The following PAX2 variants were observed in gnomAD, a reference collection of about 807,000 sequenced individuals.
PAX2 encodes the protein paired box protein Pax-2.
In PAX2, 9 loss-of-function variants were observed where a neutral mutation model predicts 41.7. The ratio of observed to expected loss-of-function variants is 0.22; its 90% CI spans 0.13 to 0.38. The LOEUF is 0.38. Among genes scored for constraint, PAX2 ranks in the 10% least tolerant of loss-of-function variants. The pLI, the probability that PAX2 is intolerant of heterozygous loss-of-function variation, is 1.00. For synonymous variants in PAX2, 221 were observed against 212.7 expected, an observed-to-expected ratio of 1.04 and a Z score of -0.34; for missense variants, 418 against 531.6, an observed-to-expected ratio of 0.79 and a Z score of 2.10.
At chr10:100,807,412 G>A (rs1429271068) in intron 6 of PAX2, among the ~76,000 whole-genome samples, 1 of 150,004 alleles carries the variant, frequency 6.7e-6, no homozygotes, top group African/African-American at 2.5e-5. Context: ...ACAGCCCACG[G>A]TACTGTGCTC....
intron 5 of PAX2, among the ~76,000 whole-genome samples, chr10:100,795,716 C>T (rs1013091361): frequency 3.3e-5 from 5 of 152,188 alleles, no homozygotes; most frequent in Admixed American, 6.5e-5. Flanking sequence ...ACTGCCTCAC[C>T]CTTTCTTTGT....
At chr10:100,823,587 C>A (rs2133982434) in intron 7 of PAX2, among the ~76,000 whole-genome samples, 1 of 152,260 alleles carries the variant, frequency 6.6e-6, no homozygotes, top group Non-Finnish European at 1.5e-5. Context: ...CAAGGATAGA[C>A]AGAGGCATTA....
chr10:100,774,715 G>C (rs1846323987), intron 3 of PAX2, among the ~76,000 whole-genome samples: 1 of 152,146 alleles, frequency 6.6e-6, no homozygotes, highest in Non-Finnish European at 1.5e-5. Flanking sequence ...TCCCTATTTA[G>C]TCCTTGCCAC....
chr10:100,827,513 A>G lies in PAX2; in HGVS notation c.1109-30A>G. The G allele has an allele frequency of 6.2e-7, 1 of 1,609,148 alleles. No individual in the cohort carries two copies. The highest frequency in any genetic ancestry group is 8.5e-7 in the Non-Finnish European group (1 of 1,175,558). On this transcript the variant is annotated intron_variant, in intron 9 of 9. Transcript: ENST00000355243. This position sits in a 1 kb window ranked among gnomAD's most constrained non-coding sequence, Gnocchi z 8.5. ...TGTTCTCCTGTTTGTCCTCTCACCCAGCCCATTCTTCTCCTGTGTTAACTT... is the reference window on the plus strand; with the variant it reads ...TGTTCTCCTGTTTGTCCTCTCACCCGGCCCATTCTTCTCCTGTGTTAACTT...
In PAX2 at chr10:100,809,107, C is replaced by T. The variant is rs1291270344; in HGVS notation, c.793-3C>T. ...GAGCTGTCACTTTTCTCTCTCCTCC[C>T]AGGGGAACGAGTACTCCCTCCCAGC... On this transcript the variant is annotated splice_region_variant and splice_polypyrimidine_tract_variant and intron_variant, in intron 6 of 9. Transcript: ENST00000355243. 2 of 1,613,020 alleles carry T rather than the reference C, an allele frequency of 1.2e-6. No homozygotes were observed. Among genetic ancestry groups the T allele is most frequent in the East Asian group, 2.2e-5 (1 of 44,884 alleles).
Position 100,748,986 on chromosome 10 carries a change from G to A in PAX2, c.44-760G>A. 7.1e-6 allele frequency: 7 copies of A among 985,458 alleles called. No individual in the cohort carries two copies. The highest frequency in any genetic ancestry group is 8.4e-6 in the Non-Finnish European group (7 of 829,938). The allele number at this position is 985,458 out of a possible 1,614,324, so 61.0% of individuals were successfully genotyped here. On this transcript the variant is annotated intron_variant, in intron 1 of 9. Coordinates refer to ENST00000355243, the MANE Select transcript of PAX2 (RefSeq NM_000278.5). This position sits in a 1 kb window ranked among gnomAD's most constrained non-coding sequence, Gnocchi z 5.0. ...CGGCATTCTCTGCCTGCTGCCTGGA[G>A]CCGCTCTGCCTCCCTGTCTCTGAGC...
At chr10:100,774,654 T>C (rs773482284) in intron 3 of PAX2, among the ~76,000 whole-genome samples, 4 of 152,300 alleles carry the variant, frequency 2.6e-5, no homozygotes, top group Admixed American at 6.5e-5. Flanking sequence ...ATTGTTATTA[T>C]AGGTAGCATT....
At chr10:100,768,751 C>T (rs1846108328) in intron 3 of PAX2, among the ~76,000 whole-genome samples, 1 of 152,114 alleles carries the variant, frequency 6.6e-6, no homozygotes, top group Non-Finnish European at 1.5e-5. Flanking sequence ...CGGGCTCTTA[C>T]CCGATGCATA....
At chr10:100,759,175 G>A (rs1845749208) in intron 3 of PAX2, among the ~76,000 whole-genome samples, 1 of 152,186 alleles carries the variant, frequency 6.6e-6, no homozygotes, top group Non-Finnish European at 1.5e-5. Context: ...TGGGGGTGGT[G>A]GGAGGAAACC....
chr10:100,791,894 G>A lies in PAX2; in HGVS notation c.616+10529G>A, dbSNP rs1847133590. On this transcript the variant is annotated intron_variant, in intron 5 of 9. Transcript: ENST00000355243. The surrounding 1 kb of genome is among the most constrained non-coding windows in gnomAD (Gnocchi z 4.5). ...GCCGAGGGCACTGTGGGCCACCTGG[G>A]GCAGCCAGCTTGTAGGAGCCGCCTG... is the stretch of plus-strand genomic sequence containing the variant. Among the ~76,000 whole-genome samples, 1 of 152,206 alleles carries A rather than the reference G, an allele frequency of 6.6e-6. No individual in the cohort carries two copies. Among genetic ancestry groups the A allele is most frequent in the Non-Finnish European group, 1.5e-5 (1 of 68,030 alleles).
chr10:100,821,070 GCA>G (rs1182515506), intron 7 of PAX2, among the ~76,000 whole-genome samples: 2 of 152,182 alleles, frequency 1.3e-5, no homozygotes, highest in African/African-American at 4.8e-5. Flanking sequence ...ATTCTTGCTT[GCA>G]CAGATTCCAT....
At chr10:100,764,199 A>G (rs1845939781) in intron 3 of PAX2, among the ~76,000 whole-genome samples, 1 of 134,008 alleles carries the variant, frequency 7.5e-6, no homozygotes, top group Non-Finnish European at 1.5e-5. Context: ...GCTGGAGTGC[A>G]GTGGCACCAT....
chr10:100,747,636 C>T (rs1845242688), intron 1 of PAX2: 2 of 984,122 alleles, frequency 2.0e-6, no homozygotes. Flanking sequence ...CTGTGTTTTT[C>T]GCTAATCATA....
chr10:100,735,523 C>A, exon 1 of PAX2: 1 of 310,946 alleles, frequency 3.2e-6, no homozygotes, highest in Non-Finnish European at 5.3e-6. Context: ...AGTGAGAGAG[C>A]GGGCGCGGGC....
At chr10:100,788,414 C>T (rs1004746949) in intron 5 of PAX2, among the ~76,000 whole-genome samples, 1 of 152,194 alleles carries the variant, frequency 6.6e-6, no homozygotes, top group African/African-American at 2.4e-5. Flanking sequence ...TAAAGGCAGG[C>T]AAGGAGGACC....
intron 3 of PAX2, among the ~76,000 whole-genome samples, chr10:100,757,623 C>T (rs1337280153): frequency 1.3e-5 from 2 of 152,332 alleles, no homozygotes; most frequent in East Asian, 3.9e-4. Flanking sequence ...TGTGGTCCCG[C>T]AGTGGGAGGC....
Position 100,750,954 on chromosome 10 carries a change from G to A in PAX2, c.410+63G>A, listed in dbSNP as rs532963217. On this transcript the variant is annotated intron_variant, in intron 3 of 9. Coordinates refer to ENST00000355243, the MANE Select transcript of PAX2 (RefSeq NM_000278.5). The surrounding 1 kb of genome is among the most constrained non-coding windows in gnomAD (Gnocchi z 4.1). Reference sequence around the variant, plus strand: ...GCTCCTGGCTCCTGCCTGCAGGGGTGTCCCACGCCCAGTCTCTGCTCTTTG... The same window carrying A: ...GCTCCTGGCTCCTGCCTGCAGGGGTATCCCACGCCCAGTCTCTGCTCTTTG... 428 of 1,239,956 alleles carry A rather than the reference G, an allele frequency of 3.5e-4. No individual in the cohort carries two copies. The highest frequency in any genetic ancestry group is 3.3e-3 in the Middle Eastern group (17 of 5,218). 76.8% of individuals were successfully genotyped at this position (1,239,956 alleles called of 1,614,324 possible). A position where few individuals can be genotyped will look rare whatever the true frequency, so the allele number is the denominator to read the frequency against.
chr10:100,739,637 G>A (rs1239131589), intron 1 of PAX2, among the ~76,000 whole-genome samples: 1 of 152,178 alleles, frequency 6.6e-6, no homozygotes, highest in Non-Finnish European at 1.5e-5. Flanking sequence ...CCAGCCTCTG[G>A]AGTGTGCTTC....
At position 100,827,160 on chromosome 10, in the gene PAX2, C is replaced by G. The variant is rs1848602381; in HGVS notation, c.1108+65C>G. On this transcript the variant is annotated intron_variant, in intron 9 of 9. Transcript: ENST00000355243. This position sits in a 1 kb window ranked among gnomAD's most constrained non-coding sequence, Gnocchi z 8.5. ...CGCGCGGCTTCTGGGCACGGTCCCA[C>G]TCCCGGCGACCCGACCTCTGGGGAC... The G allele has an allele frequency of 3.5e-5, 46 of 1,331,212 alleles. 1 individual carries two copies. The South Asian group carries it at 5.3e-4, about 15-fold the overall frequency. 82.5% of individuals were successfully genotyped at this position (1,331,212 alleles called of 1,614,324 possible). A position where few individuals can be genotyped will look rare whatever the true frequency, so the allele number is the denominator to read the frequency against.
Sources: gnomAD v4.1 joint callset for allele counts (sites outside exome capture counted in the v4.1 genomes callset) on GRCh38, gnomAD v4.1.1 for gene constraint, Gnocchi (gnomAD v3.1) non-coding constraint, MANE v1.5 for transcripts, NCBI Gene and HGNC (gene_info 2026-07-23, HGNC 2026-07-21) for gene names.